The following KCNJ6 variants were observed in gnomAD, a reference collection of about 807,000 sequenced individuals.
KCNJ6 encodes the protein G protein-activated inward rectifier potassium channel 2.
Under a neutral mutation model 34.2 loss-of-function variants are expected in KCNJ6, and 9 were observed. The ratio of observed to expected loss-of-function variants is 0.26; its 90% confidence interval spans 0.16 to 0.46. KCNJ6 has a LOEUF of 0.46. Among genes scored for constraint, KCNJ6 ranks in the 20% least tolerant of loss-of-function variants. KCNJ6 has a pLI of 1.00. For missense variants in KCNJ6, 236 were observed against 531.3 expected (o/e 0.44, Z 5.46); for synonymous variants, 196 against 207.1 (o/e 0.95, Z 0.46).
chr21:37,679,319 G>A (rs1187921957), intron 3 of KCNJ6, among the ~76,000 whole-genome samples: 1 of 152,118 alleles, frequency 6.6e-6, no homozygotes, highest in Non-Finnish European at 1.5e-5. Flanking sequence ...TAAGTTTTGG[G>A]GTAAATTGTA....
chr21:37,673,874 G>A (rs1005887210), intron 3 of KCNJ6, among the ~76,000 whole-genome samples: 1 of 152,194 alleles, frequency 6.6e-6, no homozygotes, highest in African/African-American at 2.4e-5. Flanking sequence ...CTGCACATCG[G>A]AGACACCTGG....
At chr21:37,700,519 A>G (rs1490939538) in intron 3 of KCNJ6, among the ~76,000 whole-genome samples, 1 of 152,166 alleles carries the variant, frequency 6.6e-6, no homozygotes, top group Non-Finnish European at 1.5e-5. Flanking sequence ...TGAGGGGATG[A>G]GATTTTTATG....
intron 3 of KCNJ6, among the ~76,000 whole-genome samples, chr21:37,693,465 G>C (rs554788717): frequency 3.9e-5 from 6 of 152,292 alleles, no homozygotes; most frequent in African/African-American, 1.2e-4. Flanking sequence ...AAACCCTCAA[G>C]GTGGGCTGTG....
chr21:37,798,411 C>T (rs543783208), intron 2 of KCNJ6, among the ~76,000 whole-genome samples: 1 of 152,312 alleles, frequency 6.6e-6, no homozygotes, highest in South Asian at 2.1e-4. Context: ...GGGAGCTGTG[C>T]ATTTGAGTGC....
chr21:37,880,621 TTTGCATTTTCTGTTA>T (rs557316086), intron 1 of KCNJ6, among the ~76,000 whole-genome samples: 4 of 152,212 alleles, frequency 2.6e-5, no homozygotes, highest in East Asian at 1.9e-4. Context: ...ATCAGACGGC[TTTGCATTTTCTGTTA>T]TTGCATTTTC....
chr21:37,750,735 G>C (rs374155030), intron 2 of KCNJ6, among the ~76,000 whole-genome samples: 8 of 152,104 alleles, frequency 5.3e-5, no homozygotes, highest in African/African-American at 1.4e-4. Context: ...TGTCTAGGGT[G>C]GGGGGCTAGG....
intron 2 of KCNJ6, among the ~76,000 whole-genome samples, chr21:37,751,349 C>T (rs2054994306): frequency 1.3e-5 from 2 of 152,264 alleles, no homozygotes; most frequent in African/African-American, 4.8e-5. Flanking sequence ...GAGAGTGTTA[C>T]CTGCTGACCT....
At chr21:37,716,089 G>C (rs1320953724) in intron 2 of KCNJ6, among the ~76,000 whole-genome samples, 1 of 152,112 alleles carries the variant, frequency 6.6e-6, no homozygotes, top group African/African-American at 2.4e-5. Flanking sequence ...ATATTTTTTT[G>C]TAATAAATTG....
chr21:37,771,012 A>G (rs143489522), intron 2 of KCNJ6, among the ~76,000 whole-genome samples: 467 of 152,302 alleles, frequency 3.1e-3, no homozygotes, highest in Middle Eastern at 0.017. Flanking sequence ...CTAGGAAAAG[A>G]GTTGGTGTGC....
chr21:37,815,648 C>T (rs1365782663), intron 2 of KCNJ6, among the ~76,000 whole-genome samples: 2 of 152,176 alleles, frequency 1.3e-5, no homozygotes, highest in Non-Finnish European at 2.9e-5. Context: ...TCCACTTGGC[C>T]TTAGACAAGG....
In KCNJ6 at chr21:37,686,034, C is replaced by T. The variant is rs532323543; in HGVS notation, c.946+28177G>A. ...AAAGGCACCCAAGTGACAGTGAGCA[C>T]GGCTTCTATCCAAGCAGAGGGACTG... On this transcript the variant is annotated intron_variant, in intron 3 of 3. Transcript: ENST00000609713. Among the ~76,000 whole-genome samples, 129 of 152,054 alleles carry T rather than the reference C, an allele frequency of 8.5e-4. 5 individuals carry two copies. The South Asian group carries it at 0.026, about 31-fold the overall frequency.
chr21:37,721,882 T>C (rs1359888162), intron 2 of KCNJ6, among the ~76,000 whole-genome samples: 1 of 152,228 alleles, frequency 6.6e-6, no homozygotes, highest in Admixed American at 6.5e-5. Context: ...ATGTGCTTGC[T>C]TCCTGATGGA....
At chr21:37,779,259 T>C (rs939650824) in intron 2 of KCNJ6, among the ~76,000 whole-genome samples, 1 of 152,142 alleles carries the variant, frequency 6.6e-6, no homozygotes, top group Non-Finnish European at 1.5e-5. Context: ...TCCTGTGGTA[T>C]TACTGGCCCA....
At chr21:37,850,895 T>A (rs1443371635) in intron 1 of KCNJ6, among the ~76,000 whole-genome samples, 1 of 152,196 alleles carries the variant, frequency 6.6e-6, no homozygotes, top group Non-Finnish European at 1.5e-5. Context: ...GGGTTATGCA[T>A]GCTGCTGTGG....
intron 3 of KCNJ6, among the ~76,000 whole-genome samples, chr21:37,647,681 T>A (rs1358721701): frequency 6.6e-6 from 1 of 152,188 alleles, no homozygotes. Flanking sequence ...TAGCCCATCC[T>A]AAGCCTGCTG....
intron 3 of KCNJ6, among the ~76,000 whole-genome samples, chr21:37,630,595 C>G (rs1048832573): frequency 3.3e-5 from 5 of 152,034 alleles, no homozygotes; most frequent in Non-Finnish European, 5.9e-5. Flanking sequence ...TATGAAGGAC[C>G]CTTAGCTAAG....
At chr21:37,834,689 T>C (rs2055443323) in intron 2 of KCNJ6, among the ~76,000 whole-genome samples, 2 of 152,396 alleles carry the variant, frequency 1.3e-5, no homozygotes, top group Middle Eastern at 6.8e-3. Context: ...TAATTGGTTC[T>C]CTGTCTTCAT....
At chr21:37,663,695 A>G (rs766042731) in intron 3 of KCNJ6, among the ~76,000 whole-genome samples, 2 of 152,238 alleles carry the variant, frequency 1.3e-5, no homozygotes, top group Non-Finnish European at 2.9e-5. Flanking sequence ...GGAGAAGAAT[A>G]CTGATTATAT....
At chr21:37,681,756 C>A (rs570089817) in intron 3 of KCNJ6, among the ~76,000 whole-genome samples, 69 of 141,724 alleles carry the variant, frequency 4.9e-4, no homozygotes, top group Non-Finnish European at 8.5e-4. Context: ...GTGACTCAAC[C>A]AGAAAGAGAG....
Sources: gnomAD v4.1 joint callset for allele counts (sites outside exome capture counted in the v4.1 genomes callset) on GRCh38, gnomAD v4.1.1 for gene constraint, MANE v1.5 for transcripts, NCBI Gene and HGNC (gene_info 2026-07-23, HGNC 2026-07-21) for gene names.